NDST4: variants seen among roughly 807,000 people sequenced by gnomAD.
The protein encoded by NDST4 is N-deacetylase and N-sulfotransferase 4.
NDST4 carries 63 observed loss-of-function variants against 100.8 expected under a neutral mutation model. The observed-to-expected ratio is 0.62, with a 90% confidence interval of 0.51 to 0.77. The LOEUF (loss-of-function observed/expected upper bound fraction) is 0.77. NDST4 is among the 30% of genes least tolerant of loss of function. The pLI is 0.00. For missense variants in NDST4, 943 were observed against 1,018.4 expected, an observed-to-expected ratio of 0.93 and a Z score of 1.01; for synonymous variants, 377 against 361.8, an observed-to-expected ratio of 1.04 and a Z score of -0.48.
In NDST4 at chr4:114,886,398, A is replaced by G. The variant is rs994155648; in HGVS notation, c.1537-15448T>C. ...AAGTATAGAGGTAATCCTTGAATTT[A>G]TTGAGGAACTCTTTAGACGGAGGCA... On this transcript the variant is annotated intron_variant, in intron 6 of 13. Coordinates refer to ENST00000264363, the MANE Select transcript of NDST4 (RefSeq NM_022569.3). Among the ~76,000 whole-genome samples the G allele has an allele frequency of 4.6e-5, 7 of 152,210 alleles. No homozygotes were observed. In the East Asian group the frequency reaches 1.4e-3, roughly 29 times the overall value.
chr4:114,941,449 G>T (rs1725748686), intron 4 of NDST4, among the ~76,000 whole-genome samples: 1 of 151,942 alleles, frequency 6.6e-6, no homozygotes, highest in South Asian at 2.1e-4. Flanking sequence ...TCTTGGAGAG[G>T]TTATAAAACA....
chr4:114,963,557 C>T (rs12511884), intron 4 of NDST4, among the ~76,000 whole-genome samples: 2,601 of 151,960 alleles, frequency 0.017, 82 homozygotes, highest in African/African-American at 0.06. Flanking sequence ...TTACACTTTA[C>T]GTGGGTGAAC....
At chr4:115,013,053 T>C (rs1322030249) in intron 2 of NDST4, among the ~76,000 whole-genome samples, 1 of 138,872 alleles carries the variant, frequency 7.2e-6, no homozygotes, top group African/African-American at 2.7e-5. Flanking sequence ...TACCAGGTGT[T>C]AGGAGGGGGT....
rs190736922 is a variant in NDST4 at position 114,835,032 on chromosome 4, C to A, written c.2287-1317G>T. 6.4e-4 allele frequency among the ~76,000 whole-genome samples: 97 copies of A among 152,102 alleles called. 1 individual carries two copies. The highest frequency in any genetic ancestry group is 2.3e-3 in the African/African-American group (94 of 41,488). On this transcript the variant is annotated intron_variant, in intron 11 of 13. Transcript: ENST00000264363. The stretch of plus-strand genomic sequence containing the variant: ...TTCATTAGTCTAGCTAGCTAGTGGT[C>A]CATATATTTTCTTAATCTTTTCAAA...
At chr4:115,013,134 T>C (rs1727592199) in intron 2 of NDST4, among the ~76,000 whole-genome samples, 1 of 151,048 alleles carries the variant, frequency 6.6e-6, no homozygotes, top group Non-Finnish European at 1.5e-5. Context: ...ATGAATAAGA[T>C]CTAGTATTTG....
chr4:114,870,027 T>A (rs999317716), intron 7 of NDST4, among the ~76,000 whole-genome samples: 1 of 152,154 alleles, frequency 6.6e-6, no homozygotes, highest in Non-Finnish European at 1.5e-5. Context: ...CAGGGGACTA[T>A]CTGATCTGCT....
chr4:114,867,456 A>G (rs1270015896), intron 7 of NDST4, among the ~76,000 whole-genome samples: 2 of 151,960 alleles, frequency 1.3e-5, no homozygotes, highest in Non-Finnish European at 2.9e-5. Flanking sequence ...TCCTAGTCAC[A>G]CAGAAAAGCA....
chr4:115,087,833 C>T (rs521110), intron 1 of NDST4, among the ~76,000 whole-genome samples: 5,225 of 151,610 alleles, frequency 0.034, 318 homozygotes, highest in African/African-American at 0.12. Flanking sequence ...AACTCAACTG[C>T]TTTTTTTCTT....
intron 3 of NDST4, among the ~76,000 whole-genome samples, chr4:114,973,310 C>T (rs961405762): frequency 6.6e-6 from 1 of 150,980 alleles, no homozygotes; most frequent in Admixed American, 6.6e-5. Flanking sequence ...GTGGAAATAT[C>T]ATTTGCAGTT....
intron 6 of NDST4, among the ~76,000 whole-genome samples, chr4:114,932,257 A>G (rs543669558): frequency 3.3e-5 from 5 of 152,136 alleles, no homozygotes. Context: ...TCATATGATC[A>G]TCTCAATAGA....
intron 1 of NDST4, among the ~76,000 whole-genome samples, chr4:115,102,666 C>T (rs1729753812): frequency 1.4e-5 from 2 of 141,944 alleles, no homozygotes; most frequent in African/African-American, 5.2e-5. Context: ...TTAAAATTCA[C>T]ATCAGTGGTC....
intron 6 of NDST4, among the ~76,000 whole-genome samples, chr4:114,882,904 T>A (rs1724400410): frequency 6.6e-6 from 1 of 152,026 alleles, no homozygotes; most frequent in South Asian, 2.1e-4. Flanking sequence ...ATGGAATTTT[T>A]CATATGAAAC....
At chr4:115,084,182 T>C (rs983047706) in intron 1 of NDST4, among the ~76,000 whole-genome samples, 8 of 152,172 alleles carry the variant, frequency 5.3e-5, no homozygotes, top group African/African-American at 1.9e-4. Flanking sequence ...TGTTGGGAAC[T>C]GGAATAAAGG....
At chr4:114,964,335 T>A (rs1384794992) in intron 4 of NDST4, among the ~76,000 whole-genome samples, 1 of 152,198 alleles carries the variant, frequency 6.6e-6, no homozygotes, top group African/African-American at 2.4e-5. Flanking sequence ...TTGATTGACA[T>A]CTGTGAGAAA....
chr4:115,007,835 T>C lies in NDST4; in HGVS notation c.979-30561A>G, dbSNP rs182142202. Among the ~76,000 whole-genome samples, 55 of 129,884 alleles carry C rather than the reference T, an allele frequency of 4.2e-4. 9 individuals are homozygous for C. Among genetic ancestry groups the C allele is most frequent in the Admixed American group, 1.6e-3 (21 of 12,750 alleles). 85.2% of individuals were successfully genotyped at this position (129,884 alleles called of 152,430 possible). On this transcript the variant is annotated intron_variant, in intron 2 of 13. Transcript: ENST00000264363. Reference sequence around the variant, plus strand: ...AGAAATGTAACTGAGGCAAAGACCATCTGGCACAACTCCTCTCTGGGCTCT... The same window carrying C: ...AGAAATGTAACTGAGGCAAAGACCACCTGGCACAACTCCTCTCTGGGCTCT...
intron 2 of NDST4, among the ~76,000 whole-genome samples, chr4:115,054,096 T>G (rs573357965): frequency 6.7e-4 from 102 of 152,028 alleles, no homozygotes; most frequent in African/African-American, 2.4e-3. Flanking sequence ...ATTAAAGTTT[T>G]AAAATTTTGT....
At chr4:115,006,389 G>A (rs1323958986) in intron 2 of NDST4, among the ~76,000 whole-genome samples, 2 of 152,148 alleles carry the variant, frequency 1.3e-5, no homozygotes, top group Middle Eastern at 3.4e-3. Context: ...CAGCCTATAG[G>A]CAGTTGGAAT....
intron 6 of NDST4, among the ~76,000 whole-genome samples, chr4:114,907,823 A>G (rs1486426111): frequency 6.6e-6 from 1 of 152,114 alleles, no homozygotes; most frequent in African/African-American, 2.4e-5. Context: ...GTCCTAACTT[A>G]TAGGCATGAG....
chr4:114,963,247 C>T (rs1384868955), intron 4 of NDST4, among the ~76,000 whole-genome samples: 1 of 151,848 alleles, frequency 6.6e-6, no homozygotes, highest in East Asian at 1.9e-4. Flanking sequence ...CATTATTTGT[C>T]AATAAAAAGG....
Sources: allele counts gnomAD v4.1 joint callset (sites outside exome capture counted in the v4.1 genomes callset), GRCh38; gene constraint gnomAD v4.1.1; transcripts MANE v1.5; gene names NCBI Gene and HGNC (gene_info 2026-07-23, HGNC 2026-07-21).